Variants in LRRC9 observed in about 807,000 individuals in gnomAD.
The protein encoded by LRRC9 is leucine rich repeat containing 9.
A neutral mutation model predicts 63.2 loss-of-function variants in LRRC9; 122 were observed. The ratio of observed to expected loss-of-function variants is 1.93; its 90% CI spans 1.67 to 2.24. LRRC9 has a LOEUF of 2.24. LRRC9 is among the 30% of genes most tolerant of loss of function. The pLI, the probability that LRRC9 is intolerant of heterozygous loss-of-function variation, is 0.00. For synonymous variants in LRRC9, 366 were observed against 213.1 expected (o/e 1.72, Z -6.25); for missense variants, 1,071 against 627.7 (o/e 1.71, Z -7.55).
intron 25 of LRRC9, among the ~76,000 whole-genome samples, 173 bp from the exon 26 acceptor site, chr14:60,018,948 C>T (rs79719102): frequency 6.6e-6 from 1 of 151,500 alleles, no homozygotes; most frequent in African/African-American, 2.4e-5. Context: ...CTGTAATTTC[C>T]CAGAATGTCA....
At position 60,053,177 on chromosome 14, in the gene LRRC9, T is replaced by C. The variant is rs1239485781; in HGVS notation, c.4103T>C (p.Leu1368Pro). The change falls in exon 30 of 32, where the codon CTC becomes CCC. Residue 1368 changes from leucine (L) to proline (P), a missense_variant. Coordinates refer to ENST00000445360, the Ensembl canonical transcript of LRRC9. This position sits in a 1 kb window ranked among gnomAD's most constrained non-coding sequence, Gnocchi z 4.8. ...GATAGGGCAAAAGCTGAATTTCACC[T>C]CGCTGAACTACAAGCAAAGAAAAAC... The C allele has an allele frequency of 1.4e-6, 1 of 700,564 alleles. No individual in the cohort carries two copies. Among genetic ancestry groups the C allele is most frequent in the South Asian group, 1.5e-5 (1 of 66,902 alleles). 43.4% of individuals were successfully genotyped at this position (700,564 alleles called of 1,614,324 possible).
At chr14:59,969,438 A>G (rs1313085168) in intron 12 of LRRC9, 1 of 152,228 alleles carries the variant, frequency 6.6e-6, no homozygotes, top group Non-Finnish European at 1.5e-5. Context: ...GTAGCATGTA[A>G]AAGATCAGAT....
chr14:60,049,616 G>C (rs1440342039), intron 29 of LRRC9, among the ~76,000 whole-genome samples: 4 of 152,192 alleles, frequency 2.6e-5, no homozygotes, highest in African/African-American at 4.8e-5. Context: ...CTGCTGAAAG[G>C]TATGCTGTTA....
chr14:59,959,996 G>A lies in LRRC9; in HGVS notation c.1061G>A (p.Trp354Ter). 1.5e-6 allele frequency: 1 copy of A among 665,876 alleles called. No individual in the cohort carries two copies. The highest frequency in any genetic ancestry group is 2.7e-5 in the East Asian group (1 of 36,644). 41.2% of individuals were successfully genotyped at this position (665,876 alleles called of 1,614,324 possible). A position where few individuals can be genotyped will look rare whatever the true frequency, so the allele number is the denominator to read the frequency against. Residue 354 changes from tryptophan to a stop codon, truncating the protein, a stop_gained, in exon 9 of 32, where the codon TGG becomes TAG. Coordinates refer to ENST00000445360, the Ensembl canonical transcript of LRRC9. LOFTEE classifies it high-confidence loss of function. ...GCCTTGAATGAAAGGGTAACATTCT[G>A]GAACAAAAAACTAGATGAGTATGTT...
chr14:60,019,363 T>A, intron 26 of LRRC9, 103 bp downstream of exon 26: 1 of 482,170 alleles, frequency 2.1e-6, no homozygotes. Flanking sequence ...TACATAAAAT[T>A]TAGCTTATTG....
chr14:60,065,472 G>T (rs915106486), downstream of LRRC9, among the ~76,000 whole-genome samples: 1 of 150,390 alleles, frequency 6.6e-6, no homozygotes, highest in Non-Finnish European at 1.5e-5. Context: ...ACAAGGCAAA[G>T]CCCCATCCCT....
rs149864332 is a variant in LRRC9, at chr14:60,053,507, C to G, written c.4131+302C>G. 6.6e-4 allele frequency among the ~76,000 whole-genome samples: 100 copies of G among 152,158 alleles called. 4 individuals are homozygous for G. In the Middle Eastern group the frequency reaches 0.02, roughly 31 times the overall value. ...GAAAGTTATTTAATATTTGTATGCT[C>G]AATATGTCAGATGATGCTAGAACAT... On this transcript the variant is annotated intron_variant, in intron 30 of 31. Coordinates refer to ENST00000445360, the Ensembl canonical transcript of LRRC9. The surrounding 1 kb of genome is among the most constrained non-coding windows in gnomAD (Gnocchi z 4.8).
intron 27 of LRRC9, among the ~76,000 whole-genome samples, chr14:60,026,367 A>G (rs2140308719): frequency 6.6e-6 from 1 of 152,158 alleles, no homozygotes; most frequent in Non-Finnish European, 1.5e-5. Context: ...AATGCTGAGC[A>G]TTTTTCCATA....
chr14:59,951,875 G>A (rs1436951168), intron 8 of LRRC9, among the ~76,000 whole-genome samples: 20 of 152,164 alleles, frequency 1.3e-4, no homozygotes, highest in Non-Finnish European at 2.5e-4. Context: ...CTCCAGCTGC[G>A]TTCTGGGAGA....
In LRRC9 at chr14:59,964,390, C is replaced by T. The variant is rs1884634096; in HGVS notation, c.1212-2199C>T. Among the ~76,000 whole-genome samples the T allele has an allele frequency of 6.6e-6, 1 of 152,164 alleles. No homozygotes were observed. The highest frequency in any genetic ancestry group is 2.1e-4 in the South Asian group (1 of 4,836). On this transcript the variant is annotated intron_variant, in intron 10 of 31. Coordinates refer to ENST00000445360, the Ensembl canonical transcript of LRRC9. This position sits in a 1 kb window ranked among gnomAD's most constrained non-coding sequence, Gnocchi z 4.4. ...TAAGTGGTTTTGTTTGTTCTGTTTC[C>T]TTCACCCAGAATGCTTTTGCATACC...
intron 29 of LRRC9, among the ~76,000 whole-genome samples, chr14:60,040,886 A>G (rs1314102147): frequency 6.6e-6 from 1 of 151,890 alleles, no homozygotes; most frequent in South Asian, 2.1e-4. Flanking sequence ...ATGTTTTTGC[A>G]GTGGCTGGTA....
chr14:59,946,778 T>C (rs1013704839), intron 8 of LRRC9, among the ~76,000 whole-genome samples: 5 of 148,158 alleles, frequency 3.4e-5, no homozygotes, highest in Non-Finnish European at 7.4e-5. Flanking sequence ...CTTCTTGCGA[T>C]AGTTTACTGA....
Position 59,958,238 on chromosome 14 carries a change from G to C in LRRC9, c.883-1580G>C, listed in dbSNP as rs1883987459. Among the ~76,000 whole-genome samples, 1 of 152,184 alleles carries C rather than the reference G, an allele frequency of 6.6e-6. No individual in the cohort carries two copies. ...GAACGATTAAATCTGCTGCAGCTGT[G>C]CCCACAGCCACCCCTTCCACCAGGT... On this transcript the variant is annotated intron_variant, in intron 8 of 31. Transcript: ENST00000445360. The surrounding 1 kb of genome is among the most constrained non-coding windows in gnomAD (Gnocchi z 4.0).
chr14:59,961,443 G>T (rs17096779), intron 10 of LRRC9, among the ~76,000 whole-genome samples: 1 of 152,194 alleles, frequency 6.6e-6, no homozygotes, highest in East Asian at 1.9e-4. Flanking sequence ...GAAACTGGAA[G>T]AGAGCAGGAA....
rs561979839 is a variant in LRRC9, at chr14:60,015,417, C to G, written c.3187-1243C>G. ...ATTTAAATCTATTTTAGCAAGCCTC[C>G]CTTGGCACTATACCAGTGAGAAGAC... is the stretch of plus-strand genomic sequence containing the variant. On this transcript the variant is annotated intron_variant, in intron 23 of 31. Coordinates refer to ENST00000445360, the Ensembl canonical transcript of LRRC9. Among the ~76,000 whole-genome samples, 5 of 152,218 alleles carry G rather than the reference C, an allele frequency of 3.3e-5. No individual in the cohort carries two copies. The South Asian group carries it at 1.0e-3, about 32-fold the overall frequency.
chr14:59,964,765 T>C lies in LRRC9; in HGVS notation c.1212-1824T>C, dbSNP rs977310914. On this transcript the variant is annotated intron_variant, in intron 10 of 31. Coordinates refer to ENST00000445360, the Ensembl canonical transcript of LRRC9. The surrounding 1 kb of genome is among the most constrained non-coding windows in gnomAD (Gnocchi z 4.4). Reference sequence around the variant, plus strand: ...GCTAATGTGGCTGTTTTGTAGGTACTCTAAACTGGTTAGCAGGCATCATGC... The same window carrying C: ...GCTAATGTGGCTGTTTTGTAGGTACCCTAAACTGGTTAGCAGGCATCATGC... 7.9e-5 allele frequency among the ~76,000 whole-genome samples: 12 copies of C among 152,152 alleles called. No individual in the cohort carries two copies. Among genetic ancestry groups the C allele is most frequent in the African/African-American group, 2.9e-4 (12 of 41,436 alleles).
In LRRC9 at chr14:60,050,155, C is replaced by T. The variant is rs139610295; in HGVS notation, c.3991-2910C>T. 1.6e-3 allele frequency among the ~76,000 whole-genome samples: 239 copies of T among 152,142 alleles called. 2 individuals are homozygous for T. Among genetic ancestry groups the T allele is most frequent in the African/African-American group, 5.0e-3 (209 of 41,504 alleles). On this transcript the variant is annotated intron_variant, in intron 29 of 31. Coordinates refer to ENST00000445360, the Ensembl canonical transcript of LRRC9. ...AAGATTACAGGCACACACCACCACG[C>T]CCAGCTAATTTTTGTATTTTTAGTA...
At chr14:59,924,618 C>T (rs1889051991) in intron 1 of LRRC9, among the ~76,000 whole-genome samples, 1 of 152,134 alleles carries the variant, frequency 6.6e-6, no homozygotes, top group African/African-American at 2.4e-5. Flanking sequence ...GCTCCAAACC[C>T]TACAATCTAT....
Position 59,927,954 on chromosome 14 carries a change from G to C in LRRC9, c.11G>C (p.Ser4Thr). Residue 4 changes from serine (S) to threonine (T), a missense_variant, in exon 2 of 32, where the codon AGT becomes ACT. Ser to Thr is a moderately conservative substitution (Grantham distance 58). Coordinates refer to ENST00000445360, the Ensembl canonical transcript of LRRC9. The surrounding 1 kb of genome is among the most constrained non-coding windows in gnomAD (Gnocchi z 4.4). ...TGTTTTTAATGGAAGATGATTGAAA[G>C]TGAAAACCTAAACCAAGAAGAAATA... 1.5e-6 allele frequency: 1 copy of C among 680,586 alleles called. No individual in the cohort carries two copies. Among genetic ancestry groups the C allele is most frequent in the East Asian group, 2.7e-5 (1 of 36,434 alleles). 42.2% of individuals were successfully genotyped at this position (680,586 alleles called of 1,614,324 possible). A position where few individuals can be genotyped will look rare whatever the true frequency, so the allele number is the denominator to read the frequency against.
Sources: allele counts gnomAD v4.1 joint callset (sites outside exome capture counted in the v4.1 genomes callset), GRCh38; gene constraint gnomAD v4.1.1; non-coding constraint Gnocchi (gnomAD v3.1); transcripts MANE v1.5; gene names NCBI Gene and HGNC (gene_info 2026-07-23, HGNC 2026-07-21).